Variants in SLC36A4 observed in about 807,000 individuals in gnomAD.
SLC36A4 encodes neutral amino acid uniporter 4.
In SLC36A4, 49 loss-of-function variants were observed where a neutral mutation model predicts 50.5. The observed-to-expected ratio is 0.97, with a 90% confidence interval of 0.77 to 1.23. The LOEUF (loss-of-function observed/expected upper bound fraction) is 1.23, where lower values mean the gene tolerates loss of function less well. SLC36A4 is among the 50% of genes most tolerant of loss of function. The pLI, the probability that SLC36A4 is intolerant of heterozygous loss-of-function variation, is 0.00. For missense variants in SLC36A4, 611 were observed against 608.4 expected, an observed-to-expected ratio of 1.00 and a Z score of -0.05; for synonymous variants, 207 against 206.5, an observed-to-expected ratio of 1.00 and a Z score of -0.02.
chr11:93,168,058 T>C lies in SLC36A4; in HGVS notation c.654A>G (p.Pro218=), dbSNP rs146982814. Reference sequence around the variant, plus strand: ...GAATGAAGACCAAAAGAATTATAAATGGAAGAAAGCAAAGCATATATATCC... The same window carrying C: ...GAATGAAGACCAAAAGAATTATAAACGGAAGAAAGCAAAGCATATATATCC... ...DLRIYMLCFL[P]FIILLVFIRE... The change falls in exon 7 of 11, where the codon CCA becomes CCG. Residue 218 remains proline (P), a synonymous_variant. Coordinates refer to ENST00000326402, the MANE Select transcript of SLC36A4 (RefSeq NM_152313.4). 222 of 1,612,422 alleles carry C rather than the reference T, an allele frequency of 1.4e-4. No individual in the cohort carries two copies. The African/African-American group carries it at 2.5e-3, about 18-fold the overall frequency.
At chr11:93,187,170 T>A (rs1450829729) in intron 1 of SLC36A4, among the ~76,000 whole-genome samples, 1 of 151,022 alleles carries the variant, frequency 6.6e-6, no homozygotes, top group Admixed American at 6.6e-5. Flanking sequence ...CTTGCTTTTA[T>A]ATGCTACTTT....
intron 6 of SLC36A4, 57 bp from the exon 7 acceptor site, chr11:93,168,228 T>C (rs1019802004): frequency 3.1e-5 from 31 of 1,006,770 alleles, no homozygotes; most frequent in Non-Finnish European, 4.0e-5. Flanking sequence ...CAACTTACAA[T>C]CATAAAACAC....
chr11:93,181,847 C>T, intron 4 of SLC36A4, 61 bp from the exon 5 acceptor site: 2 of 1,383,458 alleles, frequency 1.4e-6, no homozygotes, highest in Non-Finnish European at 1.9e-6. Context: ...GTCCATAAAA[C>T]CACCTCTTGA....
chr11:93,180,424 A>C (rs77838984), intron 6 of SLC36A4: 39,158 of 698,788 alleles, frequency 0.056, 1,313 homozygotes, highest in South Asian at 0.1. Context: ...CACTATTTTT[A>C]CTTGATTTTT....
rs1275240864 is a variant in SLC36A4 at position 93,168,003 on chromosome 11, A to G, written c.709T>C (p.Phe237Leu). 5.6e-6 allele frequency: 9 copies of G among 1,612,730 alleles called. No homozygotes were observed. Among genetic ancestry groups the G allele is most frequent in the Non-Finnish European group, 7.6e-6 (9 of 1,179,200 alleles). The change falls in exon 7 of 11, where the codon TTC (phenylalanine) becomes CTC (leucine). Residue 237 changes from phenylalanine (F) to leucine (L), a missense_variant. By Grantham distance (22) the Phe-to-Leu change is conservative. Coordinates refer to ENST00000326402, the MANE Select transcript of SLC36A4 (RefSeq NM_152313.4). ...RELKNLFVLS[F>L]LANVSMAVSL... ...ACAGCCATGGAAACGTTGGCAAGGA[A>G]TGAAAGTACAAATAGATTCTTTAGT...
chr11:93,166,234 C>T (rs139281476), intron 7 of SLC36A4: 13 of 1,272,162 alleles, frequency 1.0e-5, no homozygotes, highest in African/African-American at 1.5e-5. Flanking sequence ...CATGCCCATA[C>T]ATTCCATCTG....
chr11:93,180,988 C>T (rs909088236), intron 5 of SLC36A4, 107 bp from the exon 6 acceptor site: 1 of 777,856 alleles, frequency 1.3e-6, no homozygotes, highest in Non-Finnish European at 2.1e-6. Context: ...AGCATATATT[C>T]TCCTACTCAG....
chr11:93,195,801 C>T (rs920420906), intron 1 of SLC36A4, among the ~76,000 whole-genome samples: 2 of 152,152 alleles, frequency 1.3e-5, no homozygotes, highest in East Asian at 3.9e-4. Flanking sequence ...GGCTAATTTC[C>T]TTACCTCTTC....
At chr11:93,173,164 T>C (rs1861264563) in intron 6 of SLC36A4, among the ~76,000 whole-genome samples, 1 of 143,792 alleles carries the variant, frequency 7.0e-6, no homozygotes, top group Non-Finnish European at 1.5e-5. Flanking sequence ...GGTATCTCAT[T>C]GTGGTTTTGA....
At chr11:93,188,389 T>A (rs1490594461) in intron 1 of SLC36A4, among the ~76,000 whole-genome samples, 1 of 152,220 alleles carries the variant, frequency 6.6e-6, no homozygotes, top group Non-Finnish European at 1.5e-5. Context: ...TATTTACATA[T>A]TCTTCTTCTA....
intron 9 of SLC36A4, chr11:93,160,969 A>G (rs1349102996): frequency 6.2e-6 from 1 of 161,236 alleles, no homozygotes; most frequent in African/African-American, 2.4e-5. Context: ...CCTCCCAAAT[A>G]GCTGCAATTA....
At chr11:93,188,020 A>G (rs551805873) in intron 1 of SLC36A4, among the ~76,000 whole-genome samples, 2 of 152,282 alleles carry the variant, frequency 1.3e-5, no homozygotes, top group African/African-American at 4.8e-5. Flanking sequence ...GGAGATTTTC[A>G]TGGTGCTTGA....
intron 1 of SLC36A4, among the ~76,000 whole-genome samples, chr11:93,191,892 T>TAAC (rs3995816): frequency 0.67 from 101,528 of 151,640 alleles, 34,096 homozygotes; most frequent in East Asian, 0.81. Flanking sequence ...TAATATCCAC[T>TAAC]AATAGTCCCT....
At chr11:93,193,655 C>T (rs1862305004) in intron 1 of SLC36A4, among the ~76,000 whole-genome samples, 1 of 152,030 alleles carries the variant, frequency 6.6e-6, no homozygotes, top group Non-Finnish European at 1.5e-5. Flanking sequence ...ACAAATGGAA[C>T]ATTCTTAAAT....
At chr11:93,161,770 G>A (rs187681256) in intron 9 of SLC36A4, among the ~76,000 whole-genome samples, 69 of 152,242 alleles carry the variant, frequency 4.5e-4, no homozygotes, top group Middle Eastern at 3.4e-3. Context: ...TATTCTTTGC[G>A]TATGTGAAAA....
At chr11:93,193,901 A>G (rs1862315990) in intron 1 of SLC36A4, among the ~76,000 whole-genome samples, 1 of 152,188 alleles carries the variant, frequency 6.6e-6, no homozygotes, top group Non-Finnish European at 1.5e-5. Context: ...TCATTAAAAC[A>G]TTACTGACGT....
rs915698424 is a variant in SLC36A4, at chr11:93,148,598, C to T, written c.1454G>A (p.Gly485Asp). The T allele has an allele frequency of 1.2e-6, 2 of 1,612,560 alleles. No individual in the cohort carries two copies. Among genetic ancestry groups the T allele is most frequent in the Admixed American group, 3.3e-5 (2 of 59,812 alleles). The change falls in exon 11 of 11, where the codon GGC becomes GAC. Residue 485 changes from glycine to aspartate, a missense_variant. Physicochemically the swap from Gly to Asp is moderately conservative, Grantham distance 94. Coordinates refer to ENST00000326402, the MANE Select transcript of SLC36A4 (RefSeq NM_152313.4). Reference sequence around the variant, plus strand: ...ATTTAGAAAAGGACTCTGTGGAGTGCCAGCTACAACTTTGGGAGTAGGATA... The same window carrying T: ...ATTTAGAAAAGGACTCTGTGGAGTGTCAGCTACAACTTTGGGAGTAGGATA... Reference protein sequence around the residue: ...IIYPTPKVVAGTPQSPFLNLN... With the variant: ...IIYPTPKVVADTPQSPFLNLN...
chr11:93,168,203 G>A, intron 6 of SLC36A4, 32 bp from the exon 7 acceptor site: 1 of 1,391,818 alleles, frequency 7.2e-7, no homozygotes, highest in Non-Finnish European at 9.9e-7. Flanking sequence ...ATAAAGAAGG[G>A]GGAAAAACTT....
chr11:93,162,309 A>G (rs118138183), intron 9 of SLC36A4, among the ~76,000 whole-genome samples: 5,179 of 151,970 alleles, frequency 0.034, 133 homozygotes, highest in Middle Eastern at 0.044. Context: ...AAATCACAGT[A>G]ATTTTTTTTT....
Sources: gnomAD v4.1 joint callset for allele counts (sites outside exome capture counted in the v4.1 genomes callset) on GRCh38, gnomAD v4.1.1 for gene constraint, MANE v1.5 for transcripts, NCBI Gene and HGNC (gene_info 2026-07-23, HGNC 2026-07-21) for gene names.